KCNH1: variants seen among roughly 807,000 people sequenced by gnomAD.
The protein encoded by KCNH1 is voltage-gated delayed rectifier potassium channel KCNH1.
KCNH1 carries 27 observed loss-of-function variants against 69.2 expected under a neutral mutation model. That is an observed-to-expected ratio of 0.39 (90% CI 0.29 to 0.54). KCNH1 has a LOEUF of 0.54. Ranked by LOEUF, KCNH1 falls within the 20% of genes least tolerant of loss-of-function variation. The pLI is 0.68. For synonymous variants in KCNH1, 456 were observed against 487.7 expected (o/e 0.93, Z 0.86); for missense variants, 798 against 1,261.6 (o/e 0.63, Z 5.57).
chr1:210,816,869 A>C (rs778333194), intron 7 of KCNH1, among the ~76,000 whole-genome samples: 5 of 152,246 alleles, frequency 3.3e-5, no homozygotes, highest in Non-Finnish European at 5.9e-5. Flanking sequence ...CAAAACAAAA[A>C]TAGAAGTGAA....
intron 6 of KCNH1, among the ~76,000 whole-genome samples, chr1:211,000,841 C>A (rs970025487): frequency 6.6e-6 from 1 of 151,986 alleles, no homozygotes; most frequent in African/African-American, 2.4e-5. Context: ...CAGAACAGAG[C>A]CCTCAGAAAT....
At chr1:210,962,881 G>T (rs959288722) in intron 6 of KCNH1, among the ~76,000 whole-genome samples, 2 of 148,904 alleles carry the variant, frequency 1.3e-5, no homozygotes, top group Non-Finnish European at 3.0e-5. Flanking sequence ...GTATCTAGTT[G>T]CAGTCTTATT....
At chr1:210,790,277 G>T (rs991954620) in intron 9 of KCNH1, among the ~76,000 whole-genome samples, 2 of 152,084 alleles carry the variant, frequency 1.3e-5, no homozygotes, top group Non-Finnish European at 2.9e-5. Context: ...TCTCCACTTG[G>T]ATACCCTATT....
intron 9 of KCNH1, among the ~76,000 whole-genome samples, chr1:210,792,047 A>G (rs142030861): frequency 5.3e-5 from 8 of 152,248 alleles, no homozygotes; most frequent in Non-Finnish European, 1.2e-4. Context: ...CTGCTCATCA[A>G]TCTTCCCCAT....
At position 210,684,065 on chromosome 1, in the gene KCNH1, AG is replaced by A; in HGVS notation, c.2185del (p.Leu729Ter). 6.5e-7 allele frequency: 1 copy of A among 1,526,736 alleles called. No individual in the cohort carries two copies. The highest frequency in any genetic ancestry group is 8.8e-7 in the Non-Finnish European group (1 of 1,137,348). The allele number at this position is 1,526,736 out of a possible 1,614,324, so 94.6% of individuals were successfully genotyped here. On this transcript the variant is annotated frameshift_variant, in exon 11 of 11. Coordinates refer to ENST00000271751, the MANE Select transcript of KCNH1 (RefSeq NM_172362.3). LOFTEE classifies it low-confidence loss of function (END_TRUNC). ...ERMKRKNEAP[L>X]ILPPDHPVRR... is the part of the protein sequence containing the mutation. Reference sequence around the variant, plus strand: ...GACAGGGTGGTCCGGGGGCAAGATCAGGGGGGCCTCATTCTTTCGTTTCATG... The same window carrying A: ...GACAGGGTGGTCCGGGGGCAAGATCAGGGGGCCTCATTCTTTCGTTTCATG...
chr1:210,687,641 G>A (rs1424506460), intron 10 of KCNH1, among the ~76,000 whole-genome samples: 1 of 152,214 alleles, frequency 6.6e-6, no homozygotes, highest in East Asian at 1.9e-4. Context: ...GAGCTGATGT[G>A]GTCTGACAGC....
rs1684435846 is a variant in KCNH1, at chr1:210,801,898, C to T, written c.1662+2069G>A. 2.0e-5 allele frequency among the ~76,000 whole-genome samples: 3 copies of T among 152,190 alleles called. 1 individual carries two copies. The South Asian group carries it at 6.2e-4, about 32-fold the overall frequency. On this transcript the variant is annotated intron_variant, in intron 8 of 10. Transcript: ENST00000271751. ...GAATGACTCTGTTTGGACTCATCCTCCTTCTCTCTAGTACATGTTTTAAAT... is the reference window on the plus strand; with the variant it reads ...GAATGACTCTGTTTGGACTCATCCTTCTTCTCTCTAGTACATGTTTTAAAT...
chr1:210,839,751 T>C (rs116244139), intron 7 of KCNH1, among the ~76,000 whole-genome samples: 6 of 152,358 alleles, frequency 3.9e-5, no homozygotes, highest in African/African-American at 1.4e-4. Context: ...AGTGATACTC[T>C]ACTCGATTTC....
In KCNH1 at chr1:211,117,199, A is replaced by G. The variant is rs564571301; in HGVS notation, c.80-9822T>C. 3.3e-5 allele frequency among the ~76,000 whole-genome samples: 5 copies of G among 152,324 alleles called. No individual in the cohort carries two copies. In the East Asian group the frequency reaches 9.6e-4, roughly 29 times the overall value. On this transcript the variant is annotated intron_variant, in intron 1 of 10. Coordinates refer to ENST00000271751, the MANE Select transcript of KCNH1 (RefSeq NM_172362.3). ...CTTTTGTGTGTATGTGGAGAAGACC[A>G]GACACTTACACATCTCAGGTCTCCT...
chr1:210,775,635 C>T lies in KCNH1; in HGVS notation c.1916-91G>A. ...CCCTCTATTCCCCAGAATTGCTGTC[C>T]TTTCAGCATTCTGCAGATTGGGCTC... is the stretch of plus-strand genomic sequence containing the variant. On this transcript the variant is annotated intron_variant, in intron 9 of 10. Transcript: ENST00000271751. 4.4e-6 allele frequency: 4 copies of T among 906,414 alleles called. No individual in the cohort carries two copies. The South Asian group carries it at 6.5e-5, about 15-fold the overall frequency. The allele number at this position is 906,414 out of a possible 1,614,324, so 56.1% of individuals were successfully genotyped here.
intron 7 of KCNH1, among the ~76,000 whole-genome samples, chr1:210,844,319 G>A (rs946015200): frequency 3.3e-5 from 5 of 152,012 alleles, no homozygotes; most frequent in Admixed American, 2.6e-4. Flanking sequence ...TCAAGAGATC[G>A]AGACCATCCT....
At chr1:211,001,359 G>A (rs1689175240) in intron 6 of KCNH1, among the ~76,000 whole-genome samples, 1 of 152,156 alleles carries the variant, frequency 6.6e-6, no homozygotes, top group Non-Finnish European at 1.5e-5. Context: ...CAAAGGATAT[G>A]AACAGACACT....
intron 9 of KCNH1, among the ~76,000 whole-genome samples, chr1:210,795,962 AACACACACACACACAC>A (rs369505764): frequency 0.14 from 19,686 of 136,000 alleles, 1,396 homozygotes; most frequent in Non-Finnish European, 0.17. Context: ...CTCTACTAAA[AACACACACACACACAC>A]ACACACACAC....
At chr1:210,747,642 C>CAAAAAAA (rs11449700) in intron 10 of KCNH1, among the ~76,000 whole-genome samples, 1 of 141,414 alleles carries the variant, frequency 7.1e-6, no homozygotes. Flanking sequence ...CTTTCACATG[C>CAAAAAAA]AAAAAAAAAA....
chr1:210,781,364 CT>C (rs1683980135), intron 9 of KCNH1, among the ~76,000 whole-genome samples: 2 of 152,066 alleles, frequency 1.3e-5, no homozygotes, highest in Admixed American at 6.5e-5. Context: ...CCTCCTCCCC[CT>C]ATCCCACTGC....
At chr1:210,695,525 G>T (rs1459825291) in intron 10 of KCNH1, among the ~76,000 whole-genome samples, 1 of 152,102 alleles carries the variant, frequency 6.6e-6, no homozygotes, top group African/African-American at 2.4e-5. Flanking sequence ...TTATGTGTTT[G>T]AATTATCTCC....
At chr1:210,717,704 A>C (rs192202681) in intron 10 of KCNH1, among the ~76,000 whole-genome samples, 1 of 152,344 alleles carries the variant, frequency 6.6e-6, no homozygotes, top group East Asian at 1.9e-4. Context: ...TGTACTCAGG[A>C]ACAGCAGATT....
chr1:210,866,679 G>C (rs984366488), intron 7 of KCNH1, among the ~76,000 whole-genome samples: 4 of 152,104 alleles, frequency 2.6e-5, no homozygotes, highest in African/African-American at 9.7e-5. Context: ...AGATGCTTTG[G>C]AAAACAGTTT....
chr1:210,974,938 CTAT>C (rs1043849905), intron 6 of KCNH1, among the ~76,000 whole-genome samples: 9 of 151,928 alleles, frequency 5.9e-5, no homozygotes, highest in African/African-American at 1.9e-4. Context: ...CAATACATTA[CTAT>C]TATTATTATT....
Sources: allele counts gnomAD v4.1 joint callset (sites outside exome capture counted in the v4.1 genomes callset), GRCh38; gene constraint gnomAD v4.1.1; transcripts MANE v1.5; gene names NCBI Gene and HGNC (gene_info 2026-07-23, HGNC 2026-07-21).